Variants in XXYLT1 observed in about 807,000 individuals in gnomAD.
XXYLT1 encodes the protein UDP-xylose:alpha-xyloside alpha-1,3-xylosyltransferase.
Under a neutral mutation model 28.9 loss-of-function variants are expected in XXYLT1, and 20 were observed. The ratio of observed to expected loss-of-function variants is 0.69; its 90% confidence interval spans 0.49 to 1.00. The LOEUF (loss-of-function observed/expected upper bound fraction) is 1.00. Among genes scored for constraint, XXYLT1 ranks in the 50% least tolerant of loss-of-function variants. XXYLT1 has a pLI of 0.00. For missense variants in XXYLT1, 542 were observed against 560.1 expected (o/e 0.97, Z 0.33); for synonymous variants, 257 against 253.8 (o/e 1.01, Z -0.12).
intron 3 of XXYLT1, among the ~76,000 whole-genome samples, chr3:195,145,042 T>A (rs372221390): frequency 5.3e-5 from 8 of 152,078 alleles, no homozygotes; most frequent in South Asian, 4.2e-4. Flanking sequence ...CAATTATACA[T>A]CATCAGGAAC....
At chr3:195,071,912 C>T (rs1213530609) in intron 3 of XXYLT1, among the ~76,000 whole-genome samples, 1 of 152,094 alleles carries the variant, frequency 6.6e-6, no homozygotes, top group South Asian at 2.1e-4. Flanking sequence ...GAGCAGAGAC[C>T]CAAAGGGAGG....
At chr3:195,267,510 G>A (rs957840918) in intron 1 of XXYLT1, among the ~76,000 whole-genome samples, 2 of 152,300 alleles carry the variant, frequency 1.3e-5, no homozygotes, top group Middle Eastern at 3.4e-3. Context: ...CAGCCAGAGT[G>A]AGAAATTCTA....
chr3:195,265,067 A>T (rs1725801993), intron 1 of XXYLT1, among the ~76,000 whole-genome samples: 1 of 152,026 alleles, frequency 6.6e-6, no homozygotes, highest in South Asian at 2.1e-4. Flanking sequence ...ATCTCAAAAA[A>T]AAAAAAAGAG....
chr3:195,137,237 G>A, intron 3 of XXYLT1, among the ~76,000 whole-genome samples: 1 of 152,156 alleles, frequency 6.6e-6, no homozygotes. Flanking sequence ...TGACATGTAG[G>A]GACAGGGGCA....
At chr3:195,098,450 G>T (rs778207265) in intron 3 of XXYLT1, among the ~76,000 whole-genome samples, 2 of 152,230 alleles carry the variant, frequency 1.3e-5, no homozygotes, top group Admixed American at 1.3e-4. Flanking sequence ...CTACTTGGGA[G>T]GCTGAGGCAG....
At chr3:195,119,280 T>A (rs1299202737) in intron 3 of XXYLT1, among the ~76,000 whole-genome samples, 18 of 108,314 alleles carry the variant, frequency 1.7e-4, no homozygotes, top group African/African-American at 6.5e-4. Flanking sequence ...CGAGACTCCA[T>A]CTCAAACAAA....
chr3:195,097,823 C>T (rs1016412445), intron 3 of XXYLT1, among the ~76,000 whole-genome samples: 3 of 152,126 alleles, frequency 2.0e-5, no homozygotes, highest in Non-Finnish European at 2.9e-5. Context: ...CCCCACCCCC[C>T]CACCACGCAC....
chr3:195,142,976 G>A (rs1719572121), intron 3 of XXYLT1, among the ~76,000 whole-genome samples: 1 of 151,808 alleles, frequency 6.6e-6, no homozygotes, highest in Non-Finnish European at 1.5e-5. Context: ...ATACACATTC[G>A]ACCTCTCAGA....
intron 3 of XXYLT1, among the ~76,000 whole-genome samples, chr3:195,113,262 A>T (rs777297839): frequency 1.3e-5 from 2 of 152,228 alleles, no homozygotes; most frequent in Non-Finnish European, 2.9e-5. Context: ...AACGGAGGTG[A>T]ACATCTGGCG....
chr3:195,078,224 T>TA lies in XXYLT1; in HGVS notation c.786-8114dup, dbSNP rs1560082054. On this transcript the variant is annotated intron_variant, in intron 3 of 3. Transcript: ENST00000310380. The surrounding 1 kb of genome is among the most constrained non-coding windows in gnomAD (Gnocchi z 5.0). Reference sequence around the variant, plus strand: ...AGCAGGTGGCTGGAGGTACCGGCCATAAGCAGAGAGCACCAAGCAGGTGGT... The same window carrying TA: ...AGCAGGTGGCTGGAGGTACCGGCCATAAAGCAGAGAGCACCAAGCAGGTGGT... Among the ~76,000 whole-genome samples the TA allele has an allele frequency of 6.6e-6, 1 of 151,898 alleles. No individual in the cohort carries two copies.
chr3:195,192,403 T>C (rs576278117), intron 2 of XXYLT1, among the ~76,000 whole-genome samples: 7,229 of 150,298 alleles, frequency 0.048, 564 homozygotes, highest in African/African-American at 0.17. Context: ...CCAGCCTGGG[T>C]AACCAAGTGA....
chr3:195,080,815 G>A (rs769741757), intron 3 of XXYLT1, among the ~76,000 whole-genome samples: 1 of 152,206 alleles, frequency 6.6e-6, no homozygotes, highest in Non-Finnish European at 1.5e-5. Context: ...CATGGGAGGG[G>A]GTGTTCCAAC....
chr3:195,198,103 G>T (rs763407086), intron 2 of XXYLT1, among the ~76,000 whole-genome samples: 2 of 152,226 alleles, frequency 1.3e-5, no homozygotes, highest in Non-Finnish European at 2.9e-5. Context: ...GAGGCTTGGG[G>T]ATAGAGCATA....
rs187818869 is a variant in XXYLT1, at chr3:195,208,569, A to G, written c.652+18140T>C. Among the ~76,000 whole-genome samples, 3 of 152,320 alleles carry G rather than the reference A, an allele frequency of 2.0e-5. No homozygotes were observed. The East Asian group carries it at 5.8e-4, about 29-fold the overall frequency. On this transcript the variant is annotated intron_variant, in intron 2 of 3. Transcript: ENST00000310380. The stretch of plus-strand genomic sequence containing the variant: ...ACGCTCGTGACGGGAAAGTCACAAC[A>G]AAGGCCATGCAAGCTTCAGTTCTGC...
chr3:195,210,538 A>G lies in XXYLT1; in HGVS notation c.652+16171T>C, dbSNP rs58699597. Among the ~76,000 whole-genome samples, 1 of 152,124 alleles carries G rather than the reference A, an allele frequency of 6.6e-6. No individual in the cohort carries two copies. Among genetic ancestry groups the G allele is most frequent in the Admixed American group, 6.5e-5 (1 of 15,278 alleles). Reference sequence around the variant, plus strand: ...AAAGAAGATCTTGACAAATTAAAAGACAGAATCTAATGAAGGGGACCAAAA... The same window carrying G: ...AAAGAAGATCTTGACAAATTAAAAGGCAGAATCTAATGAAGGGGACCAAAA... On this transcript the variant is annotated intron_variant, in intron 2 of 3. Transcript: ENST00000310380. This position sits in a 1 kb window ranked among gnomAD's most constrained non-coding sequence, Gnocchi z 4.8.
chr3:195,241,855 A>G (rs1724791184), intron 1 of XXYLT1, among the ~76,000 whole-genome samples: 1 of 151,938 alleles, frequency 6.6e-6, no homozygotes, highest in African/African-American at 2.4e-5. Flanking sequence ...TGCACACAAC[A>G]CACACATGTA....
chr3:195,219,163 T>G (rs1233013782), intron 2 of XXYLT1, among the ~76,000 whole-genome samples: 9 of 115,566 alleles, frequency 7.8e-5, no homozygotes, highest in East Asian at 7.5e-4. Context: ...TGGGGACTGT[T>G]GTGGGGTGGT....
chr3:195,179,786 A>G (rs1447346416), intron 2 of XXYLT1, among the ~76,000 whole-genome samples: 2 of 152,146 alleles, frequency 1.3e-5, no homozygotes, highest in East Asian at 3.9e-4. Flanking sequence ...TCCAGATTCC[A>G]CTTGCAGCCG....
intron 2 of XXYLT1, among the ~76,000 whole-genome samples, chr3:195,207,134 G>A (rs1723106737): frequency 6.6e-6 from 1 of 152,238 alleles, no homozygotes; most frequent in African/African-American, 2.4e-5. Flanking sequence ...GTGAGGAGCT[G>A]CCCCGGGCAG....
Sources: allele counts gnomAD v4.1 joint callset (sites outside exome capture counted in the v4.1 genomes callset), GRCh38; gene constraint gnomAD v4.1.1; non-coding constraint Gnocchi (gnomAD v3.1); transcripts MANE v1.5; gene names NCBI Gene and HGNC (gene_info 2026-07-23, HGNC 2026-07-21).